The following NCALD variants were observed in gnomAD, a reference collection of about 807,000 sequenced individuals.
The protein encoded by NCALD is neurocalcin-delta.
A neutral mutation model predicts 18.6 loss-of-function variants in NCALD; 10 were observed. The observed-to-expected ratio is 0.54, with a 90% CI of 0.33 to 0.91. The LOEUF (loss-of-function observed/expected upper bound fraction) is 0.91. Ranked by LOEUF, NCALD falls within the 40% of genes least tolerant of loss-of-function variation. The pLI, the probability that NCALD is intolerant of heterozygous loss-of-function variation, is 0.03. For missense variants in NCALD, 184 were observed against 247.6 expected, an observed-to-expected ratio of 0.74 and a Z score of 1.72; for synonymous variants, 88 against 87.4, an observed-to-expected ratio of 1.01 and a Z score of -0.04.
rs114678487 is a variant in NCALD at position 101,731,784 on chromosome 8, A to G, written c.-19-12136T>C. Among the ~76,000 whole-genome samples the G allele has an allele frequency of 6.9e-3, 1,044 of 151,750 alleles. 7 individuals are homozygous for G. Among genetic ancestry groups the G allele is most frequent in the African/African-American group, 0.024 (1,007 of 41,400 alleles). ...CCATCTAATGTCTAAGTCTGCCTCC[A>G]CTCCCTCCCAGGTTGCCAGCAATTG... On this transcript the variant is annotated intron_variant, in intron 1 of 3. Coordinates refer to ENST00000220931, the MANE Select transcript of NCALD (RefSeq NM_032041.3).
intron 1 of NCALD, among the ~76,000 whole-genome samples, chr8:101,788,274 A>G (rs984899100): frequency 2.0e-5 from 3 of 152,164 alleles, no homozygotes; most frequent in Non-Finnish European, 4.4e-5. Flanking sequence ...AAAATTCAAG[A>G]GGGCCTGGGG....
At chr8:102,050,582 T>TA (rs558829771) in intron 1 of NCALD, among the ~76,000 whole-genome samples, 1 of 150,284 alleles carries the variant, frequency 6.7e-6, no homozygotes, top group East Asian at 1.9e-4. Flanking sequence ...TTAAACACAC[T>TA]AAAAAAGATG....
At chr8:102,080,142 T>G (rs1014247520) in intron 1 of NCALD, among the ~76,000 whole-genome samples, 7 of 152,214 alleles carry the variant, frequency 4.6e-5, no homozygotes, top group Admixed American at 4.6e-4. Flanking sequence ...TCAGTTATCT[T>G]CCAATGACTT....
chr8:101,734,906 G>A (rs1376294358), intron 1 of NCALD, among the ~76,000 whole-genome samples: 1 of 152,220 alleles, frequency 6.6e-6, no homozygotes, highest in Non-Finnish European at 1.5e-5. Context: ...TGCATTGTGA[G>A]TTTGCTCTGA....
At chr8:101,960,267 A>AC (rs2131847649) in intron 2 of NCALD, among the ~76,000 whole-genome samples, 1 of 152,324 alleles carries the variant, frequency 6.6e-6, no homozygotes, top group East Asian at 1.9e-4. Flanking sequence ...CAAAAAACTC[A>AC]TTGAAGTAGC....
intron 1 of NCALD, among the ~76,000 whole-genome samples, chr8:102,028,748 A>T (rs1227167594): frequency 1.3e-5 from 2 of 152,232 alleles, no homozygotes; most frequent in African/African-American, 4.8e-5. Flanking sequence ...AAAGTAAAAG[A>T]TGAGTATGAT....
At chr8:102,019,615 T>C (rs1457271139) in intron 2 of NCALD, among the ~76,000 whole-genome samples, 2 of 152,146 alleles carry the variant, frequency 1.3e-5, no homozygotes, top group African/African-American at 2.4e-5. Flanking sequence ...TTCCAGTATT[T>C]TGAAAACCAT....
chr8:101,780,737 C>T (rs1209060231), intron 1 of NCALD, among the ~76,000 whole-genome samples: 3 of 152,110 alleles, frequency 2.0e-5, no homozygotes, highest in Non-Finnish European at 2.9e-5. Flanking sequence ...GCATATTTTA[C>T]CACAACAAAA....
intron 1 of NCALD, among the ~76,000 whole-genome samples, chr8:102,114,401 T>C (rs1825723425): frequency 6.6e-6 from 1 of 152,224 alleles, no homozygotes; most frequent in African/African-American, 2.4e-5. Flanking sequence ...GAGGCTGCTC[T>C]TGAATCCTAC....
Position 101,687,748 on chromosome 8 carries a change from C to T in NCALD, c.*1561G>A, listed in dbSNP as rs1397990875. ...AACAACCTTGAGAATTTGGGCCTCC[C>T]TTTGCTAACTACTTGCAAGAGTATG... On this transcript the variant is annotated 3_prime_UTR_variant, in exon 4 of 4. Transcript: ENST00000220931. The T allele has an allele frequency of 1.3e-5, 2 of 152,182 alleles. No homozygotes were observed. Among genetic ancestry groups the T allele is most frequent in the Non-Finnish European group, 2.9e-5 (2 of 68,050 alleles). The allele number at this position is 152,182 out of a possible 1,614,324, so 9.4% of individuals were successfully genotyped here. A position where few individuals can be genotyped will look rare whatever the true frequency, so the allele number is the denominator to read the frequency against.
At chr8:101,824,399 T>C (rs1319652726) in intron 4 of NCALD, among the ~76,000 whole-genome samples, 1 of 152,168 alleles carries the variant, frequency 6.6e-6, no homozygotes, top group Non-Finnish European at 1.5e-5. Context: ...GGGGTACAAA[T>C]ACACACAGAG....
intron 1 of NCALD, among the ~76,000 whole-genome samples, chr8:102,105,829 C>A (rs1320692132): frequency 6.6e-6 from 1 of 152,110 alleles, no homozygotes; most frequent in Non-Finnish European, 1.5e-5. Context: ...CCACTTCGCA[C>A]ACACCTGCCT....
chr8:101,906,001 A>G (rs1330243367), intron 3 of NCALD, among the ~76,000 whole-genome samples: 1 of 152,230 alleles, frequency 6.6e-6, no homozygotes, highest in African/African-American at 2.4e-5. Context: ...TCCATGAATC[A>G]TTTATGTGAT....
At chr8:101,758,153 T>C (rs1317269459) in intron 1 of NCALD, among the ~76,000 whole-genome samples, 3 of 152,156 alleles carry the variant, frequency 2.0e-5, no homozygotes, top group Non-Finnish European at 4.4e-5. Flanking sequence ...ATCCCCACTG[T>C]CTTCAATGTC....
Position 102,075,015 on chromosome 8 carries a change from A to G in NCALD, c.-210+49222T>C, listed in dbSNP as rs1824296338. On this transcript the variant is annotated intron_variant, in intron 1 of 6. Coordinates refer to the NCALD transcript ENST00000311028. ...ATGCATCACAGCTGCATCCCAGGCA[A>G]AAGGAAGGAGGAAGGGGAAAAGACA... Among the ~76,000 whole-genome samples the G allele has an allele frequency of 2.0e-5, 3 of 152,174 alleles. No homozygotes were observed. In the South Asian group the frequency reaches 6.2e-4, roughly 32 times the overall value.
chr8:101,921,488 A>G (rs1205532241), intron 2 of NCALD, among the ~76,000 whole-genome samples: 4 of 152,170 alleles, frequency 2.6e-5, no homozygotes, highest in Non-Finnish European at 5.9e-5. Context: ...TGATGTACCA[A>G]TAACTACAAA....
intron 1 of NCALD, among the ~76,000 whole-genome samples, chr8:101,740,544 G>C (rs2130687824): frequency 6.6e-6 from 1 of 152,314 alleles, no homozygotes; most frequent in East Asian, 1.9e-4. Flanking sequence ...GCTCAGAAAG[G>C]ATGTGTGTAT....
intron 4 of NCALD, among the ~76,000 whole-genome samples, chr8:101,839,513 G>A (rs561430903): frequency 7.5e-4 from 114 of 152,156 alleles, no homozygotes; most frequent in Middle Eastern, 3.4e-3. Flanking sequence ...GGTGACTTAC[G>A]GAGCCTACAC....
chr8:102,116,828 G>C (rs534306628), intron 1 of NCALD, among the ~76,000 whole-genome samples: 1 of 152,030 alleles, frequency 6.6e-6, no homozygotes, highest in Non-Finnish European at 1.5e-5. Flanking sequence ...TTTAACCCCC[G>C]GAACCAGTGA....
Sources: gnomAD v4.1 joint callset for allele counts (sites outside exome capture counted in the v4.1 genomes callset) on GRCh38, gnomAD v4.1.1 for gene constraint, MANE v1.5 for transcripts, NCBI Gene and HGNC (gene_info 2026-07-23, HGNC 2026-07-21) for gene names.